IL2RB: variants seen among roughly 807,000 people sequenced by gnomAD.
IL2RB encodes interleukin 2 receptor subunit beta, also known as interleukin-2 receptor subunit beta.
Under a neutral mutation model 44.2 loss-of-function variants are expected in IL2RB, and 17 were observed. The ratio of observed to expected loss-of-function variants is 0.38; its 90% CI spans 0.26 to 0.58. IL2RB has a LOEUF of 0.58. IL2RB is among the 20% of genes least tolerant of loss of function. The probability of loss-of-function intolerance (pLI) is 0.63; values close to 1 mark genes in which losing one functional copy is unlikely to be tolerated. For synonymous variants in IL2RB, 286 were observed against 297.9 expected, an observed-to-expected ratio of 0.96 and a Z score of 0.41; for missense variants, 624 against 685.5, an observed-to-expected ratio of 0.91 and a Z score of 1.00.
At chr22:37,168,490 C>G (rs962600066) in intron 1 of IL2RB, among the ~76,000 whole-genome samples, 2 of 152,170 alleles carry the variant, frequency 1.3e-5, no homozygotes, top group Non-Finnish European at 2.9e-5. Flanking sequence ...TGGCCACTTC[C>G]TAGCTGTGTG....
intron 1 of IL2RB, among the ~76,000 whole-genome samples, chr22:37,157,494 C>T (rs1396628354): frequency 1.3e-5 from 2 of 152,246 alleles, no homozygotes; most frequent in Non-Finnish European, 2.9e-5. Context: ...CTATCTTGTG[C>T]AAACCATGCC....
At chr22:37,172,562 A>G (rs1923325696) in intron 1 of IL2RB, among the ~76,000 whole-genome samples, 1 of 152,162 alleles carries the variant, frequency 6.6e-6, no homozygotes, top group Non-Finnish European at 1.5e-5. Context: ...CCTGGAGAAG[A>G]GGGGAACTTG....
At position 37,142,543 on chromosome 22, in the gene IL2RB, A is replaced by G. The variant is rs772734927; in HGVS notation, c.204-31T>C. The stretch of plus-strand genomic sequence containing the variant: ...ATGGCAAAAGACCCTCTTTAGAAGA[A>G]CAGGAAGGACCCACACAGCTGGCCC... On this transcript the variant is annotated intron_variant, in intron 3 of 9. Transcript: ENST00000216223. 4.4e-6 allele frequency: 7 copies of G among 1,602,588 alleles called. No homozygotes were observed. In the African/African-American group the frequency reaches 5.4e-5, roughly 12 times the overall value.
At chr22:37,163,533 A>G (rs1461373796) in intron 1 of IL2RB, among the ~76,000 whole-genome samples, 3 of 152,208 alleles carry the variant, frequency 2.0e-5, no homozygotes, top group Non-Finnish European at 4.4e-5. Context: ...GGGTTGGATG[A>G]TCCCAGAAGC....
At chr22:37,161,322 T>C (rs1340043423) in intron 1 of IL2RB, among the ~76,000 whole-genome samples, 1 of 152,190 alleles carries the variant, frequency 6.6e-6, no homozygotes, top group Non-Finnish European at 1.5e-5. Context: ...CCAGCCCTGT[T>C]TCTTCTCAGG....
chr22:37,148,648 C>T (rs1922342473), intron 1 of IL2RB, among the ~76,000 whole-genome samples: 1 of 152,150 alleles, frequency 6.6e-6, no homozygotes, highest in Non-Finnish European at 1.5e-5. Flanking sequence ...CCTACACTGC[C>T]TGCCCTGAGC....
At chr22:37,148,879 G>A (rs1922355884) in intron 1 of IL2RB, among the ~76,000 whole-genome samples, 1 of 152,036 alleles carries the variant, frequency 6.6e-6, no homozygotes, top group Non-Finnish European at 1.5e-5. Flanking sequence ...CAGGAGCTCG[G>A]GAGCCCATGG....
rs1018721334 is a variant in IL2RB, at chr22:37,129,613, C to T, written c.904-765G>A. Among the ~76,000 whole-genome samples, 4 of 152,324 alleles carry T rather than the reference C, an allele frequency of 2.6e-5. No homozygotes were observed. The South Asian group carries it at 8.3e-4, about 32-fold the overall frequency. On this transcript the variant is annotated intron_variant, in intron 9 of 9. Transcript: ENST00000216223. The stretch of plus-strand genomic sequence containing the variant: ...CTAACTGTGTGACCCTGGGAGGGCC[C>T]CTGCACCTCTCTGGGCCTCAGTTTC...
chr22:37,135,675 C>G (rs1176565474), intron 7 of IL2RB, among the ~76,000 whole-genome samples: 6 of 152,118 alleles, frequency 3.9e-5, no homozygotes, highest in African/African-American at 1.4e-4. Flanking sequence ...ATCCCATGGG[C>G]CCCCCTGGTG....
chr22:37,172,971 A>G (rs1030823616), intron 1 of IL2RB, among the ~76,000 whole-genome samples: 2 of 152,100 alleles, frequency 1.3e-5, no homozygotes, highest in African/African-American at 4.8e-5. Flanking sequence ...CAGGTCCTGG[A>G]TGAGCCTCCC....
chr22:37,143,254 C>T (rs569933304), intron 3 of IL2RB, among the ~76,000 whole-genome samples: 2 of 152,200 alleles, frequency 1.3e-5, no homozygotes, highest in Non-Finnish European at 2.9e-5. Context: ...CTCAGTGTCC[C>T]CAAACTACCC....
At position 37,128,018 on chromosome 22, in the gene IL2RB, A is replaced by G; in HGVS notation, c.*78T>C. On this transcript the variant is annotated 3_prime_UTR_variant, in exon 10 of 10. Coordinates refer to ENST00000216223, the MANE Select transcript of IL2RB (RefSeq NM_000878.5). This position sits in a 1 kb window ranked among gnomAD's most constrained non-coding sequence, Gnocchi z 4.5. ...GGACACTGAGTGTCCTCAGCAGTGG[A>G]CTGAGGACCCTCAACAGGGTCCTTC... 1 of 1,209,066 alleles carries G rather than the reference A, an allele frequency of 8.3e-7. No individual in the cohort carries two copies. The highest frequency in any genetic ancestry group is 1.9e-5 in the South Asian group (1 of 52,166). 74.9% of individuals were successfully genotyped at this position (1,209,066 alleles called of 1,614,324 possible).
chr22:37,164,396 C>T (rs979158711), intron 1 of IL2RB, among the ~76,000 whole-genome samples: 3 of 150,562 alleles, frequency 2.0e-5, no homozygotes, highest in Non-Finnish European at 4.4e-5. Context: ...GGTTTGAGCC[C>T]AGAGGTGCTG....
At chr22:37,137,540 A>C in intron 6 of IL2RB, 47 bp downstream of exon 6, 1 of 1,601,896 alleles carries the variant, frequency 6.2e-7, no homozygotes, top group South Asian at 1.1e-5. Context: ...ATGGACCAGG[A>C]CAGGAAGGAG....
At chr22:37,135,243 TGTGTGC>T (rs1213341595) in intron 8 of IL2RB, 79 bp downstream of exon 8, 23 of 849,600 alleles carry the variant, frequency 2.7e-5, no homozygotes, top group African/African-American at 5.0e-5. Context: ...TATGTGTGCT[TGTGTGC>T]GTGTGTGTGC....
intron 4 of IL2RB, among the ~76,000 whole-genome samples, chr22:37,140,560 G>A (rs1921914505): frequency 6.6e-6 from 1 of 152,030 alleles, no homozygotes; most frequent in Non-Finnish European, 1.5e-5. Flanking sequence ...TCAGAAACCA[G>A]GCCACCTACA....
chr22:37,128,507 G>C lies in IL2RB; in HGVS notation c.1245C>G (p.Asp415Glu). ...TGGAGGGGAAGGTGCAGTAGGCGTC[G>C]TCCTCCCCTGACAGAGGCTGCAGGG... ...PQPLQPLSGE[D>E]DAYCTFPSRD... Residue 415 changes from aspartate (D) to glutamate (E), a missense_variant, in exon 10 of 10, where the codon GAC (aspartate) becomes GAG (glutamate). This residue lies in a region of IL2RB where 291 missense variants were observed against 275.5 expected (regional missense o/e 1.06). Transcript: ENST00000216223. The surrounding 1 kb of genome is among the most constrained non-coding windows in gnomAD (Gnocchi z 4.5). The C allele has an allele frequency of 6.2e-7, 1 of 1,610,340 alleles. No individual in the cohort carries two copies. The highest frequency in any genetic ancestry group is 1.1e-5 in the South Asian group (1 of 90,988).
chr22:37,162,286 G>A (rs1443577945), intron 1 of IL2RB, among the ~76,000 whole-genome samples: 1 of 152,200 alleles, frequency 6.6e-6, no homozygotes, highest in African/African-American at 2.4e-5. Flanking sequence ...CCTGGTGCCA[G>A]TGTGAGCATT....
intron 9 of IL2RB, 103 bp downstream of exon 9, chr22:37,132,281 G>T: frequency 1.2e-6 from 1 of 847,812 alleles, no homozygotes; most frequent in Non-Finnish European, 1.9e-6. Context: ...TCACTTCGGC[G>T]TTTTGTCTCC....
Sources: allele counts gnomAD v4.1 joint callset (sites outside exome capture counted in the v4.1 genomes callset), GRCh38; gene constraint gnomAD v4.1.1; regional missense constraint gnomAD v4.1.1; non-coding constraint Gnocchi (gnomAD v3.1); transcripts MANE v1.5; gene names NCBI Gene and HGNC (gene_info 2026-07-23, HGNC 2026-07-21).